Variants in DCDC1 observed in about 807,000 individuals in gnomAD.
DCDC1 encodes the protein doublecortin domain containing 1, also known as doublecortin domain-containing protein 1.
Under a neutral mutation model 178.3 loss-of-function variants are expected in DCDC1, and 200 were observed. That is an observed-to-expected ratio of 1.12 (90% confidence interval 1.00 to 1.26). DCDC1 has a LOEUF of 1.26. Ranked by LOEUF, DCDC1 falls within the 50% of genes most tolerant of loss-of-function variation. DCDC1 has a pLI of 0.00. For missense variants in DCDC1, 1,983 were observed against 1,749.2 expected, an observed-to-expected ratio of 1.13 and a Z score of -2.38; for synonymous variants, 690 against 604.8, an observed-to-expected ratio of 1.14 and a Z score of -2.07.
At position 31,129,517 on chromosome 11, in the gene DCDC1, G is replaced by A. The variant is rs188503024; in HGVS notation, c.1315-1878C>T. ...TTGTATTTGGAAAGCAGACACAGAC[G>A]ATATGTAAATGAATGGGCATGGCTG... On this transcript the variant is annotated intron_variant, in intron 10 of 38. Transcript: ENST00000684477. Among the ~76,000 whole-genome samples the A allele has an allele frequency of 6.9e-4, 105 of 152,034 alleles. 1 individual carries two copies. The highest frequency in any genetic ancestry group is 2.4e-3 in the African/African-American group (99 of 41,500).
intron 8 of DCDC1, among the ~76,000 whole-genome samples, chr11:31,257,718 A>G (rs932151491): frequency 3.3e-5 from 5 of 151,040 alleles, no homozygotes; most frequent in African/African-American, 4.9e-5. Flanking sequence ...ACACACACAC[A>G]CATACACACA....
chr11:31,274,096 T>C (rs1434323758), intron 7 of DCDC1, among the ~76,000 whole-genome samples: 1 of 152,188 alleles, frequency 6.6e-6, no homozygotes, highest in African/African-American at 2.4e-5. Flanking sequence ...GAACAAATCC[T>C]GAGATACAAG....
intron 18 of DCDC1, among the ~76,000 whole-genome samples, chr11:31,068,062 T>TA (rs1359560603): frequency 1.3e-5 from 2 of 152,044 alleles, no homozygotes; most frequent in Non-Finnish European, 2.9e-5. Context: ...ATTTTTCAAT[T>TA]AAAACAGTAT....
chr11:31,232,515 C>CT (rs1426914457), intron 9 of DCDC1, among the ~76,000 whole-genome samples: 1 of 151,996 alleles, frequency 6.6e-6, no homozygotes, highest in African/African-American at 2.4e-5. Flanking sequence ...CGCTGATATC[C>CT]TTTTTTAAAA....
chr11:30,903,680 G>C lies in DCDC1; in HGVS notation c.4312C>G (p.Leu1438Val), dbSNP rs146129845. 1.9e-6 allele frequency: 3 copies of C among 1,595,976 alleles called. No homozygotes were observed. The African/African-American group carries it at 4.0e-5, about 21-fold the overall frequency. The part of the protein sequence containing the change: ...LIVAGTFPML[L>V]TECTEQLGLA... ...CCAAGTTGTTCCGTGCATTCTGTAA[G>C]AAGCTAGATAACACAGGCAGTAAGG... is the stretch of plus-strand genomic sequence containing the variant. The change falls in exon 32 of 39, where the codon CTT becomes GTT. Residue 1438 changes from leucine to valine, a missense_variant. Leu to Val is a conservative substitution (Grantham distance 32, BLOSUM62 1). Coordinates refer to ENST00000684477, the MANE Select transcript of DCDC1 (RefSeq NM_001387274.1).
intron 20 of DCDC1, among the ~76,000 whole-genome samples, chr11:30,996,618 A>G (rs1218980562): frequency 6.6e-6 from 1 of 152,138 alleles, no homozygotes; most frequent in Admixed American, 6.5e-5. Flanking sequence ...GGGACACAAC[A>G]TTCCTTCCCT....
intron 20 of DCDC1, among the ~76,000 whole-genome samples, chr11:30,967,354 T>C (rs935726401): frequency 2.0e-5 from 3 of 152,000 alleles, no homozygotes; most frequent in African/African-American, 7.3e-5. Context: ...TATTTTATTC[T>C]CTTTGAAGCA....
intron 20 of DCDC1, among the ~76,000 whole-genome samples, chr11:30,968,711 T>TATATATATATATA (rs1949594817): frequency 2.1e-4 from 13 of 61,032 alleles, no homozygotes; most frequent in Non-Finnish European, 3.1e-4. Context: ...ATATATCAAA[T>TATATATATATATA]TATATATATA....
intron 8 of DCDC1, among the ~76,000 whole-genome samples, chr11:31,254,390 A>G (rs1356676183): frequency 1.3e-5 from 2 of 152,210 alleles, no homozygotes; most frequent in East Asian, 1.9e-4. Context: ...GCAGATTGTC[A>G]TGAAATGTAA....
At chr11:31,252,815 C>A (rs1944141330) in intron 8 of DCDC1, among the ~76,000 whole-genome samples, 1 of 151,916 alleles carries the variant, frequency 6.6e-6, no homozygotes, top group East Asian at 1.9e-4. Context: ...AGATATAAAA[C>A]AGATTTTTTA....
chr11:30,916,957 G>A lies in DCDC1; in HGVS notation c.3365C>T (p.Thr1122Ile), dbSNP rs1945884372. The A allele has an allele frequency of 1.2e-6, 2 of 1,611,040 alleles. No homozygotes were observed. The highest frequency in any genetic ancestry group is 3.3e-4 in the Middle Eastern group (2 of 6,058). ...GTCATCCTCATCAAAGTCATGTGAA[G>A]TTTCCTGCCAGGCATACCTGGGAAG... is the stretch of plus-strand genomic sequence containing the variant. ...HTLPRYAWQE[T>I]SHDFDEDDSL... Residue 1122 changes from threonine (T) to isoleucine (I), a missense_variant, in exon 26 of 39, where the codon ACT becomes ATT. Coordinates refer to ENST00000684477, the MANE Select transcript of DCDC1 (RefSeq NM_001387274.1).
At chr11:31,158,645 C>T (rs1965991837) in intron 9 of DCDC1, among the ~76,000 whole-genome samples, 1 of 152,080 alleles carries the variant, frequency 6.6e-6, no homozygotes, top group African/African-American at 2.4e-5. Flanking sequence ...CAAATTCAGA[C>T]AAATTGGAGA....
intron 3 of DCDC1, among the ~76,000 whole-genome samples, chr11:31,327,746 T>C (rs958359229): frequency 3.9e-5 from 6 of 151,972 alleles, no homozygotes; most frequent in Admixed American, 2.6e-4. Flanking sequence ...CATTTTTTTT[T>C]AGACAGAGTC....
intron 7 of DCDC1, among the ~76,000 whole-genome samples, chr11:31,267,236 G>T (rs1945223033): frequency 6.6e-6 from 1 of 152,074 alleles, no homozygotes; most frequent in Admixed American, 6.5e-5. Context: ...GGTCGCCCAG[G>T]CTTGAGTGCA....
chr11:31,287,295 T>C (rs939594733), intron 7 of DCDC1, among the ~76,000 whole-genome samples: 3 of 151,322 alleles, frequency 2.0e-5, no homozygotes, highest in African/African-American at 7.3e-5. Flanking sequence ...AAGCAAAATA[T>C]TCATTGGGTT....
Position 31,211,248 on chromosome 11 carries a change from T to C in DCDC1, c.1221+30202A>G, listed in dbSNP as rs193136100. 5.5e-4 allele frequency among the ~76,000 whole-genome samples: 84 copies of C among 152,286 alleles called. 1 individual carries two copies. The East Asian group carries it at 0.013, about 24-fold the overall frequency. ...ATCCTAACCATAAAATCTAACAATA[T>C]GTAATAATTATGATGATAAAGCATA... On this transcript the variant is annotated intron_variant, in intron 9 of 38. Transcript: ENST00000684477.
At chr11:31,241,169 C>G (rs1977094098) in intron 9 of DCDC1, among the ~76,000 whole-genome samples, 1 of 151,936 alleles carries the variant, frequency 6.6e-6, no homozygotes, top group Non-Finnish European at 1.5e-5. Context: ...AAGTAATTGT[C>G]TATAGAATTT....
At chr11:30,873,612 G>A (rs1409330173) in intron 38 of DCDC1, among the ~76,000 whole-genome samples, 4 of 152,092 alleles carry the variant, frequency 2.6e-5, no homozygotes, top group African/African-American at 9.7e-5. Context: ...GGGTGAGCCT[G>A]CCAGGGATGC....
chr11:31,241,510 G>A lies in DCDC1; in HGVS notation c.1161C>T (p.Ile387=). 1 of 397,518 alleles carries A rather than the reference G, an allele frequency of 2.5e-6. No homozygotes were observed. Among genetic ancestry groups the A allele is most frequent in the East Asian group, 3.6e-5 (1 of 28,038 alleles). The allele number at this position is 397,518 out of a possible 1,614,324, so 24.6% of individuals were successfully genotyped here. Residue 387 remains isoleucine (I), a synonymous_variant, in exon 9 of 39, where the codon ATC becomes ATT. Transcript: ENST00000684477. ...GGTACAGGGCCAAAAGAACTCCTTG[G>A]ATGTACATCTTAGCTCCTGAGGGGC... ...GFSPSGAKMY[I]QGVLLALYQR... is the part of the protein sequence containing the mutation.
Sources: gnomAD v4.1 joint callset for allele counts (sites outside exome capture counted in the v4.1 genomes callset) on GRCh38, gnomAD v4.1.1 for gene constraint, MANE v1.5 for transcripts, NCBI Gene and HGNC (gene_info 2026-07-23, HGNC 2026-07-21) for gene names.